Variants in TMEM117 observed in about 807,000 individuals in gnomAD.
The protein encoded by TMEM117 is transmembrane protein 117.
TMEM117 carries 27 observed loss-of-function variants against 52.4 expected under a neutral mutation model. That is an observed-to-expected ratio of 0.51 (90% CI 0.38 to 0.71). The LOEUF (loss-of-function observed/expected upper bound fraction) is 0.71, where lower values mean the gene tolerates loss of function less well. Among genes scored for constraint, TMEM117 ranks in the 30% least tolerant of loss-of-function variants. The pLI is 0.00. For synonymous variants in TMEM117, 215 were observed against 206.3 expected (o/e 1.04, Z -0.36); for missense variants, 556 against 630.5 (o/e 0.88, Z 1.26).
intron 3 of TMEM117, among the ~76,000 whole-genome samples, chr12:44,022,294 A>G (rs1946467067): frequency 6.6e-6 from 1 of 152,178 alleles, no homozygotes; most frequent in African/African-American, 2.4e-5. Flanking sequence ...TGACCAAACT[A>G]CAATACAAAG....
chr12:44,177,983 C>T (rs994106298), intron 4 of TMEM117, among the ~76,000 whole-genome samples: 3 of 152,060 alleles, frequency 2.0e-5, no homozygotes, highest in African/African-American at 4.8e-5. Context: ...CTTACTCTTC[C>T]GTATGACAAA....
intron 3 of TMEM117, among the ~76,000 whole-genome samples, chr12:43,997,896 C>T (rs891247021): frequency 2.6e-5 from 4 of 152,082 alleles, no homozygotes; most frequent in African/African-American, 9.7e-5. Flanking sequence ...GTGTTGGTGC[C>T]CAGATTTGAA....
intron 5 of TMEM117, among the ~76,000 whole-genome samples, chr12:44,265,629 A>G (rs886760782): frequency 1.3e-5 from 2 of 152,158 alleles, no homozygotes; most frequent in African/African-American, 4.8e-5. Context: ...CATAAAATTA[A>G]CCATTTTAAA....
intron 6 of TMEM117, among the ~76,000 whole-genome samples, chr12:44,358,111 G>C (rs1951676032): frequency 6.6e-6 from 1 of 152,082 alleles, no homozygotes; most frequent in Admixed American, 6.6e-5. Context: ...ATAAGTGGGA[G>C]CTAAACAGTG....
intron 4 of TMEM117, among the ~76,000 whole-genome samples, chr12:44,150,820 G>A (rs1948711234): frequency 2.0e-5 from 3 of 150,816 alleles, no homozygotes; most frequent in African/African-American, 7.3e-5. Context: ...CATGACTTTT[G>A]GAATTAAAAA....
chr12:43,942,798 T>G (rs1240008609), intron 2 of TMEM117, among the ~76,000 whole-genome samples: 1 of 152,198 alleles, frequency 6.6e-6, no homozygotes, highest in Non-Finnish European at 1.5e-5. Flanking sequence ...AGATACTGTT[T>G]GTCGCTAGAG....
At chr12:44,224,802 A>G (rs1463713865) in intron 5 of TMEM117, among the ~76,000 whole-genome samples, 1 of 152,104 alleles carries the variant, frequency 6.6e-6, no homozygotes, top group Non-Finnish European at 1.5e-5. Context: ...TGCAGGTGTC[A>G]TTGTATGGTA....
intron 5 of TMEM117, among the ~76,000 whole-genome samples, chr12:44,275,819 G>T (rs1007697511): frequency 9.2e-5 from 14 of 152,056 alleles, no homozygotes; most frequent in African/African-American, 3.1e-4. Flanking sequence ...TGGGGGCGGG[G>T]AGGTGGGAAT....
chr12:44,226,529 A>G (rs909505740), intron 5 of TMEM117, among the ~76,000 whole-genome samples: 5 of 132,368 alleles, frequency 3.8e-5, no homozygotes, highest in African/African-American at 1.2e-4. Flanking sequence ...GTGTGTACAC[A>G]TATAATATAC....
At chr12:44,085,329 A>G (rs1386150820) in intron 3 of TMEM117, among the ~76,000 whole-genome samples, 2 of 152,200 alleles carry the variant, frequency 1.3e-5, no homozygotes, top group Non-Finnish European at 2.9e-5. Flanking sequence ...AATTAAAACA[A>G]TGTTACCAGG....
chr12:43,994,013 C>G (rs1486378669), intron 3 of TMEM117, among the ~76,000 whole-genome samples: 1 of 152,022 alleles, frequency 6.6e-6, no homozygotes, highest in African/African-American at 2.4e-5. Flanking sequence ...TATTTTCTTT[C>G]AAAGCTCATG....
the TMEM117 span, among the ~76,000 whole-genome samples, chr12:44,395,725 A>G: frequency 6.6e-6 from 1 of 152,190 alleles, no homozygotes; most frequent in Non-Finnish European, 1.5e-5. Context: ...TCTTCAGCAT[A>G]TTCAGCAGGC....
chr12:44,259,356 CA>C lies in TMEM117; in HGVS notation c.609-40219del, dbSNP rs558154843. 3.9e-5 allele frequency among the ~76,000 whole-genome samples: 6 copies of C among 152,206 alleles called. No homozygotes were observed. The East Asian group carries it at 1.2e-3, about 29-fold the overall frequency. On this transcript the variant is annotated intron_variant, in intron 5 of 7. Transcript: ENST00000266534. ...TGAGGAAACTGAATCTCAGATGATT[CA>C]AAAACATGTTTAATATGATTATTAC... is the stretch of plus-strand genomic sequence containing the variant.
chr12:44,244,342 C>A (rs116147945), intron 5 of TMEM117: 1 of 151,756 alleles, frequency 6.6e-6, no homozygotes, highest in Non-Finnish European at 1.5e-5. Flanking sequence ...TGTCTCACTG[C>A]GGTTTTAATT....
chr12:43,830,707 A>C, the TMEM117 span, among the ~76,000 whole-genome samples: 1 of 152,188 alleles, frequency 6.6e-6, no homozygotes, highest in African/African-American at 2.4e-5. Context: ...TCTTTTAGTA[A>C]AAAACTCTGT....
chr12:44,148,330 TGGATTAA>T (rs1194341194), intron 4 of TMEM117, among the ~76,000 whole-genome samples: 1 of 152,224 alleles, frequency 6.6e-6, no homozygotes, highest in African/African-American at 2.4e-5. Context: ...AAAATGCTTT[TGGATTAA>T]TAAAACATAG....
chr12:44,057,820 A>T (rs950891150), intron 3 of TMEM117, among the ~76,000 whole-genome samples: 2 of 152,164 alleles, frequency 1.3e-5, no homozygotes, highest in South Asian at 4.1e-4. Flanking sequence ...AATAGAAAAA[A>T]TATGTATGTC....
chr12:44,023,082 G>T (rs954593622), intron 3 of TMEM117, among the ~76,000 whole-genome samples: 1 of 152,148 alleles, frequency 6.6e-6, no homozygotes, highest in East Asian at 1.9e-4. Flanking sequence ...AAAACAAGGT[G>T]ACTTAGTTCC....
At chr12:44,319,957 C>T (rs1951109410) in intron 6 of TMEM117, among the ~76,000 whole-genome samples, 1 of 152,114 alleles carries the variant, frequency 6.6e-6, no homozygotes, top group African/African-American at 2.4e-5. Flanking sequence ...TTTTTTAAGG[C>T]AGTTCTGTTC....
Sources: allele counts gnomAD v4.1 joint callset (sites outside exome capture counted in the v4.1 genomes callset), GRCh38; gene constraint gnomAD v4.1.1; transcripts MANE v1.5; gene names NCBI Gene and HGNC (gene_info 2026-07-23, HGNC 2026-07-21).